The following TBC1D15 variants were observed in gnomAD, a reference collection of about 807,000 sequenced individuals.
TBC1D15 encodes TBC1 domain family member 15.
In TBC1D15, 39 loss-of-function variants were observed where a neutral mutation model predicts 95.4. The ratio of observed to expected loss-of-function variants is 0.41; its 90% CI spans 0.32 to 0.53. TBC1D15 has a LOEUF of 0.53. Ranked by LOEUF, TBC1D15 falls within the 20% of genes least tolerant of loss-of-function variation. The probability of loss-of-function intolerance (pLI) is 0.29; values close to 1 mark genes in which losing one functional copy is unlikely to be tolerated. For missense variants in TBC1D15, 733 were observed against 794.3 expected (o/e 0.92, Z 0.93); for synonymous variants, 258 against 261.3 (o/e 0.99, Z 0.12).
chr12:71,895,659 C>A (rs1431941759), intron 7 of TBC1D15, among the ~76,000 whole-genome samples: 1 of 152,138 alleles, frequency 6.6e-6, no homozygotes. Context: ...TCTATACTTA[C>A]ATAATTGAAC....
At chr12:71,854,411 T>C (rs939453566) in intron 1 of TBC1D15, among the ~76,000 whole-genome samples, 2 of 152,236 alleles carry the variant, frequency 1.3e-5, no homozygotes, top group Non-Finnish European at 2.9e-5. Flanking sequence ...GTACATCTTT[T>C]TTCCCCTTCA....
chr12:71,873,552 G>C (rs1239344182), intron 3 of TBC1D15, among the ~76,000 whole-genome samples: 6 of 152,206 alleles, frequency 3.9e-5, no homozygotes, highest in Admixed American at 1.3e-4. Context: ...CAGGTTTTTT[G>C]TGTGAACATG....
intron 1 of TBC1D15, among the ~76,000 whole-genome samples, chr12:71,858,323 C>T (rs554367042): frequency 1.3e-4 from 20 of 152,144 alleles, no homozygotes; most frequent in African/African-American, 4.6e-4. Context: ...CTGCCCACCT[C>T]GGCCTCCCAA....
rs186632962 is a variant in TBC1D15 at position 71,864,496 on chromosome 12, T to G, written c.31-7574T>G. On this transcript the variant is annotated intron_variant, in intron 1 of 16. Transcript: ENST00000485960. ...TCACCTGCAGTTGAGTGTTTTTTTT[T>G]TTTGTTTGTTTGTTTGTTTTGTTTT... Among the ~76,000 whole-genome samples the G allele has an allele frequency of 4.6e-3, 694 of 151,918 alleles. 5 individuals are homozygous for G. The highest frequency in any genetic ancestry group is 6.8e-3 in the Middle Eastern group (2 of 294).
At chr12:71,878,829 TAAA>T (rs755589706) in intron 3 of TBC1D15, among the ~76,000 whole-genome samples, 1 of 142,936 alleles carries the variant, frequency 7.0e-6, no homozygotes. Flanking sequence ...AGGGTTGATT[TAAA>T]AAAAAAAAAA....
At chr12:71,850,669 C>T (rs888751865) in intron 1 of TBC1D15, among the ~76,000 whole-genome samples, 10 of 152,124 alleles carry the variant, frequency 6.6e-5, no homozygotes, top group Non-Finnish European at 1.0e-4. Context: ...ACCTGGGCCT[C>T]TGTATTAGTT....
chr12:71,918,784 C>A (rs1392762646), intron 14 of TBC1D15, among the ~76,000 whole-genome samples: 1 of 152,132 alleles, frequency 6.6e-6, no homozygotes, highest in Non-Finnish European at 1.5e-5. Flanking sequence ...AAGAGGTATC[C>A]CAGAACAAGT....
At chr12:71,857,272 A>G (rs1889312629) in intron 1 of TBC1D15, among the ~76,000 whole-genome samples, 1 of 152,100 alleles carries the variant, frequency 6.6e-6, no homozygotes, top group African/African-American at 2.4e-5. Flanking sequence ...TTTTTGCGTT[A>G]GAGATCATGA....
chr12:71,874,905 G>A (rs1893471391), intron 3 of TBC1D15, among the ~76,000 whole-genome samples: 1 of 151,110 alleles, frequency 6.6e-6, no homozygotes, highest in Admixed American at 6.6e-5. Context: ...TTACAGGCTT[G>A]AGCCACCGTG....
In TBC1D15 at chr12:71,917,816, A is replaced by G; in HGVS notation, c.1501+19A>G. The G allele has an allele frequency of 2.7e-6, 4 of 1,500,842 alleles. No homozygotes were observed. Among genetic ancestry groups the G allele is most frequent in the Non-Finnish European group, 3.7e-6 (4 of 1,079,532 alleles). The allele number at this position is 1,500,842 out of a possible 1,614,324, so 93.0% of individuals were successfully genotyped here. ...TACTTAGGTAAGTTTAGTGAATCAG[A>G]ACTATACCCAGCAAATTGTAGAGTA... is the stretch of plus-strand genomic sequence containing the variant. On this transcript the variant is annotated intron_variant, in intron 13 of 16. Transcript: ENST00000485960.
Position 71,851,742 on chromosome 12 carries a change from C to T in TBC1D15, c.30+11931C>T, listed in dbSNP as rs577618981. ...CTCTTTTGACTTCATGTCCCACACC[C>T]AGGGCACACTGATGCAAGGGGTGGG... On this transcript the variant is annotated intron_variant, in intron 1 of 16. Coordinates refer to ENST00000485960, the MANE Select transcript of TBC1D15 (RefSeq NM_001146213.3). 1.7e-3 allele frequency among the ~76,000 whole-genome samples: 265 copies of T among 152,254 alleles called. 1 individual carries two copies. Among genetic ancestry groups the T allele is most frequent in the Non-Finnish European group, 3.0e-3 (203 of 68,028 alleles).
At chr12:71,910,116 G>A (rs1160429319) in intron 11 of TBC1D15, among the ~76,000 whole-genome samples, 1 of 151,838 alleles carries the variant, frequency 6.6e-6, no homozygotes, top group African/African-American at 2.4e-5. Context: ...TATTAAATAG[G>A]GAATCCTTTC....
intron 11 of TBC1D15, among the ~76,000 whole-genome samples, chr12:71,908,452 T>C (rs1901360025): frequency 6.6e-6 from 1 of 152,186 alleles, no homozygotes; most frequent in Non-Finnish European, 1.5e-5. Context: ...GAGAAGGTGG[T>C]TGGATACTTA....
At chr12:71,906,176 T>A (rs942358531) in intron 10 of TBC1D15, among the ~76,000 whole-genome samples, 1 of 152,154 alleles carries the variant, frequency 6.6e-6, no homozygotes, top group Admixed American at 6.5e-5. Context: ...CCTGACCTCC[T>A]CATCTCTTTG....
At chr12:71,842,657 C>T (rs1455662399) in intron 1 of TBC1D15, among the ~76,000 whole-genome samples, 2 of 150,670 alleles carry the variant, frequency 1.3e-5, no homozygotes, top group East Asian at 2.0e-4. Context: ...ATAACTAGAC[C>T]CTGTCTCTAT....
intron 6 of TBC1D15, chr12:71,894,205 A>G (rs1047411026): frequency 7.6e-6 from 6 of 788,222 alleles, no homozygotes; most frequent in African/African-American, 5.3e-5. Flanking sequence ...TACTATTCAT[A>G]TAATTAGATT....
chr12:71,914,600 G>C (rs1348781014), intron 12 of TBC1D15, among the ~76,000 whole-genome samples: 1 of 151,986 alleles, frequency 6.6e-6, no homozygotes. Flanking sequence ...GAAGGGGTGA[G>C]ACTAGATAAA....
intron 2 of TBC1D15, among the ~76,000 whole-genome samples, 200 bp from the exon 3 acceptor site, chr12:71,872,729 G>T (rs377754630): frequency 6.6e-6 from 1 of 152,178 alleles, no homozygotes; most frequent in African/African-American, 2.4e-5. Flanking sequence ...CGTAGAAGTT[G>T]TAGCAATATA....
At chr12:71,909,540 T>G (rs996523598) in intron 11 of TBC1D15, among the ~76,000 whole-genome samples, 25 of 152,174 alleles carry the variant, frequency 1.6e-4, no homozygotes, top group Non-Finnish European at 3.5e-4. Context: ...GAATAATCAA[T>G]GAAAGGTTAA....
Sources: allele counts gnomAD v4.1 joint callset (sites outside exome capture counted in the v4.1 genomes callset), GRCh38; gene constraint gnomAD v4.1.1; transcripts MANE v1.5; gene names NCBI Gene and HGNC (gene_info 2026-07-23, HGNC 2026-07-21).